SPOCK1: variants seen among roughly 807,000 people sequenced by gnomAD.
SPOCK1 encodes testican-1.
Under a neutral mutation model 55.3 loss-of-function variants are expected in SPOCK1, and 23 were observed. The observed-to-expected ratio is 0.42, with a 90% CI of 0.30 to 0.59. The LOEUF (loss-of-function observed/expected upper bound fraction) is 0.59, where lower values mean the gene tolerates loss of function less well. Among genes scored for constraint, SPOCK1 ranks in the 20% least tolerant of loss-of-function variants. SPOCK1 has a pLI of 0.22. For missense variants in SPOCK1, 499 were observed against 552.5 expected (o/e 0.90, Z 0.97); for synonymous variants, 226 against 221.0 (o/e 1.02, Z -0.20).
Position 137,296,898 on chromosome 5 carries a change from G to A in SPOCK1, c.187-29843C>T, listed in dbSNP as rs563099908. 2.1e-4 allele frequency among the ~76,000 whole-genome samples: 32 copies of A among 152,268 alleles called. 1 individual carries two copies. Among genetic ancestry groups the A allele is most frequent in the East Asian group, 7.7e-4 (4 of 5,182 alleles). On this transcript the variant is annotated intron_variant, in intron 2 of 10. Transcript: ENST00000394945. ...GGCTACCCAAGCCCTCCTGCAAAAC[G>A]GGGAGATAGGCACAGCTAATCCCAA...
Position 137,112,431 on chromosome 5 carries a change from C to T in SPOCK1, c.474+4G>A, listed in dbSNP as rs747366861. On this transcript the variant is annotated splice_donor_region_variant and intron_variant, in intron 5 of 10. Transcript: ENST00000394945. Reference sequence around the variant, plus strand: ...TGATAACATAAAAAGACAAGAAAACCAACCTTGGATGTGTAGGAGTGGCCA... The same window carrying T: ...TGATAACATAAAAAGACAAGAAAACTAACCTTGGATGTGTAGGAGTGGCCA... The T allele has an allele frequency of 2.5e-5, 41 of 1,610,828 alleles. No homozygotes were observed. In the South Asian group the frequency reaches 4.2e-4, roughly 16 times the overall value.
At chr5:137,419,627 C>T (rs139020952) in intron 2 of SPOCK1, among the ~76,000 whole-genome samples, 288 of 152,284 alleles carry the variant, frequency 1.9e-3, no homozygotes, top group African/African-American at 5.7e-3. Flanking sequence ...TATAAGAATG[C>T]TTGTGATTTT....
At chr5:137,493,446 G>A (rs1405553327) in intron 2 of SPOCK1, among the ~76,000 whole-genome samples, 2 of 152,208 alleles carry the variant, frequency 1.3e-5, no homozygotes, top group Non-Finnish European at 2.9e-5. Context: ...TTCTGCTGAA[G>A]TATCATGGAG....
chr5:137,283,887 GA>G (rs1443302578), intron 2 of SPOCK1, among the ~76,000 whole-genome samples: 1 of 152,186 alleles, frequency 6.6e-6, no homozygotes, highest in African/African-American at 2.4e-5. Flanking sequence ...GCAGAGCAAG[GA>G]CCCAGGTCCT....
intron 2 of SPOCK1, among the ~76,000 whole-genome samples, chr5:137,451,388 T>C (rs532648375): frequency 2.3e-4 from 35 of 152,328 alleles, no homozygotes; most frequent in African/African-American, 8.2e-4. Flanking sequence ...AGGGATGAAC[T>C]CAATGCAATC....
At chr5:137,176,347 G>A (rs1262226133) in intron 3 of SPOCK1, among the ~76,000 whole-genome samples, 2 of 152,112 alleles carry the variant, frequency 1.3e-5, no homozygotes, top group African/African-American at 4.8e-5. Flanking sequence ...GCAAGGGGGT[G>A]GTGCCATGAG....
chr5:136,995,739 A>G (rs771002718), intron 6 of SPOCK1, among the ~76,000 whole-genome samples: 68 of 152,328 alleles, frequency 4.5e-4, no homozygotes, highest in Non-Finnish European at 4.4e-4. Context: ...GTATCTTTAC[A>G]AGACTGCTAG....
At chr5:137,071,056 T>G (rs1580735253) in intron 5 of SPOCK1, among the ~76,000 whole-genome samples, 2 of 149,456 alleles carry the variant, frequency 1.3e-5, no homozygotes, top group East Asian at 3.9e-4. Flanking sequence ...AGGGTCTCAC[T>G]CTGTCACCCT....
chr5:137,115,462 T>G (rs1239499367), intron 4 of SPOCK1, among the ~76,000 whole-genome samples: 2 of 152,160 alleles, frequency 1.3e-5, no homozygotes, highest in African/African-American at 4.8e-5. Context: ...ATATGTACTT[T>G]CATTACCAAC....
intron 2 of SPOCK1, among the ~76,000 whole-genome samples, chr5:137,420,106 T>C (rs1561530961): frequency 6.6e-6 from 1 of 152,212 alleles, no homozygotes; most frequent in African/African-American, 2.4e-5. Flanking sequence ...ATTTATCGAT[T>C]TGCATATGTT....
intron 2 of SPOCK1, among the ~76,000 whole-genome samples, chr5:137,299,599 T>G (rs1423004725): frequency 6.6e-6 from 1 of 152,082 alleles, no homozygotes; most frequent in Admixed American, 6.5e-5. Context: ...GGTGAAAAAT[T>G]TTCTGCTTTT....
intron 6 of SPOCK1, among the ~76,000 whole-genome samples, chr5:137,025,020 T>C (rs1339189129): frequency 6.6e-6 from 1 of 152,222 alleles, no homozygotes; most frequent in African/African-American, 2.4e-5. Flanking sequence ...GGATACATAC[T>C]GCATGATTCC....
At chr5:137,085,760 G>A (rs1392114465) in intron 5 of SPOCK1, among the ~76,000 whole-genome samples, 1 of 152,168 alleles carries the variant, frequency 6.6e-6, no homozygotes, top group Non-Finnish European at 1.5e-5. Flanking sequence ...TGATCTTCTT[G>A]ATAAACCTCT....
chr5:136,994,520 G>C (rs773230342), intron 6 of SPOCK1, among the ~76,000 whole-genome samples: 19 of 150,938 alleles, frequency 1.3e-4, no homozygotes, highest in Middle Eastern at 3.4e-3. Context: ...TAATTACTTA[G>C]TATGTGCCAC....
intron 6 of SPOCK1, among the ~76,000 whole-genome samples, chr5:137,001,998 C>G (rs536913721): frequency 6.6e-6 from 1 of 152,316 alleles, no homozygotes; most frequent in East Asian, 1.9e-4. Context: ...TTACTTTTCA[C>G]TGCCTAAAAC....
intron 5 of SPOCK1, among the ~76,000 whole-genome samples, chr5:137,112,168 G>A (rs1561613399): frequency 6.6e-6 from 1 of 152,176 alleles, no homozygotes. Flanking sequence ...CAGGAAGCTT[G>A]TCTAGATTAA....
At chr5:137,375,155 A>G (rs1410081558) in intron 2 of SPOCK1, among the ~76,000 whole-genome samples, 2 of 152,196 alleles carry the variant, frequency 1.3e-5, no homozygotes, top group Non-Finnish European at 2.9e-5. Flanking sequence ...CCAAGCTTTA[A>G]AAAAAAGTCA....
At chr5:137,357,652 C>T (rs1750847100) in intron 2 of SPOCK1, among the ~76,000 whole-genome samples, 1 of 152,106 alleles carries the variant, frequency 6.6e-6, no homozygotes, top group Non-Finnish European at 1.5e-5. Context: ...TACACAAATG[C>T]TTTAAGGATC....
intron 2 of SPOCK1, among the ~76,000 whole-genome samples, chr5:137,300,350 G>A (rs1757564978): frequency 6.6e-6 from 1 of 152,100 alleles, no homozygotes; most frequent in South Asian, 2.1e-4. Flanking sequence ...TCTCACATCT[G>A]GATCATTTCA....
Sources: gnomAD v4.1 joint callset for allele counts (sites outside exome capture counted in the v4.1 genomes callset) on GRCh38, gnomAD v4.1.1 for gene constraint, MANE v1.5 for transcripts, NCBI Gene and HGNC (gene_info 2026-07-23, HGNC 2026-07-21) for gene names.